The following EPHA7 variants were observed in gnomAD, a reference collection of about 807,000 sequenced individuals.
EPHA7 encodes the protein EPH receptor A7, also known as ephrin type-A receptor 7.
In EPHA7, 25 loss-of-function variants were observed where a neutral mutation model predicts 112.6. That is an observed-to-expected ratio of 0.22 (90% confidence interval 0.16 to 0.31). The LOEUF is 0.31. Ranked by LOEUF, EPHA7 falls within the 10% of genes least tolerant of loss-of-function variation. The pLI, the probability that EPHA7 is intolerant of heterozygous loss-of-function variation, is 1.00. For synonymous variants in EPHA7, 437 were observed against 406.5 expected, an observed-to-expected ratio of 1.07 and a Z score of -0.90; for missense variants, 962 against 1,212.6, an observed-to-expected ratio of 0.79 and a Z score of 3.07.
intron 5 of EPHA7, among the ~76,000 whole-genome samples, chr6:93,286,612 A>C (rs2127830792): frequency 6.6e-6 from 1 of 152,356 alleles, no homozygotes; most frequent in East Asian, 1.9e-4. Flanking sequence ...ATAGAACAGA[A>C]GAAACCAAAG....
intron 5 of EPHA7, among the ~76,000 whole-genome samples, chr6:93,294,631 A>C (rs1772558542): frequency 6.6e-6 from 1 of 152,104 alleles, no homozygotes. Context: ...TTTTATTTCA[A>C]AGAATATATA....
At chr6:93,419,169 C>A (rs1192025132) in intron 1 of EPHA7, 76 bp downstream of exon 1, 1 of 1,245,580 alleles carries the variant, frequency 8.0e-7, no homozygotes, top group Non-Finnish European at 1.1e-6. Flanking sequence ...CCGGCAGCGC[C>A]GCGGACGAGC....
chr6:93,359,928 CAGAT>C (rs1776176232), intron 3 of EPHA7, among the ~76,000 whole-genome samples: 1 of 139,078 alleles, frequency 7.2e-6, no homozygotes. Context: ...TAGAGATAGA[CAGAT>C]AGATTTATAC....
intron 3 of EPHA7, among the ~76,000 whole-genome samples, chr6:93,372,563 T>C (rs1480086085): frequency 6.6e-6 from 1 of 152,192 alleles, no homozygotes; most frequent in Non-Finnish European, 1.5e-5. Context: ...TGTTGAATGC[T>C]ATAAAATATT....
At chr6:93,351,401 A>G (rs893266424) in intron 5 of EPHA7, among the ~76,000 whole-genome samples, 6 of 152,004 alleles carry the variant, frequency 3.9e-5, no homozygotes, top group African/African-American at 7.2e-5. Flanking sequence ...TAATCTCCAT[A>G]TAAGTATTTG....
chr6:93,405,395 G>A (rs1254755229), intron 3 of EPHA7, among the ~76,000 whole-genome samples: 1 of 151,748 alleles, frequency 6.6e-6, no homozygotes, highest in Non-Finnish European at 1.5e-5. Flanking sequence ...TAATTGAAAT[G>A]CCTTCTTAGA....
chr6:93,363,715 A>G (rs577880042), intron 3 of EPHA7, among the ~76,000 whole-genome samples: 1 of 152,320 alleles, frequency 6.6e-6, no homozygotes, highest in South Asian at 2.1e-4. Flanking sequence ...ACTCCTAGGT[A>G]TATACTCAAG....
intron 5 of EPHA7, among the ~76,000 whole-genome samples, chr6:93,277,315 G>A (rs1261031710): frequency 6.6e-6 from 1 of 151,844 alleles, no homozygotes; most frequent in Non-Finnish European, 1.5e-5. Context: ...TGAAATACTT[G>A]GCCATAATTA....
At chr6:93,330,692 C>T (rs888383390) in intron 5 of EPHA7, among the ~76,000 whole-genome samples, 1 of 151,242 alleles carries the variant, frequency 6.6e-6, no homozygotes, top group Admixed American at 6.6e-5. Flanking sequence ...ACCTGTTGAT[C>T]GATACTTAGG....
chr6:93,356,746 G>A lies in EPHA7; in HGVS notation c.1295C>T (p.Ala432Val). 2 of 1,613,242 alleles carry A rather than the reference G, an allele frequency of 1.2e-6. No individual in the cohort carries two copies. The highest frequency in any genetic ancestry group is 1.1e-5 in the South Asian group (1 of 90,960). The change falls in exon 5 of 17, where the codon GCT (alanine) becomes GTT (valine). Residue 432 changes from alanine (A) to valine (V), a missense_variant. Ala to Val is a moderately conservative substitution (Grantham distance 64). Coordinates refer to ENST00000369303, the MANE Select transcript of EPHA7 (RefSeq NM_004440.4). ...TTGACCAGTGGTGATACTGACAGCA[G>A]CAAAGAGCCTCTGGGATCGGCTTAA... ...SDLSRSQRLF[A>V]AVSITTGQAA...
At chr6:93,368,425 C>T (rs1050005755) in intron 3 of EPHA7, among the ~76,000 whole-genome samples, 26 of 152,000 alleles carry the variant, frequency 1.7e-4, no homozygotes, top group African/African-American at 6.0e-4. Context: ...AACTGGAGAG[C>T]TATCTGTGGC....
chr6:93,247,568 C>G (rs976010978), intron 14 of EPHA7, among the ~76,000 whole-genome samples: 5 of 152,120 alleles, frequency 3.3e-5, no homozygotes, highest in African/African-American at 1.2e-4. Flanking sequence ...GCATCCCTTC[C>G]CTACTCCAAG....
intron 3 of EPHA7, among the ~76,000 whole-genome samples, chr6:93,389,873 A>C (rs546669719): frequency 6.6e-6 from 1 of 152,164 alleles, no homozygotes; most frequent in South Asian, 2.1e-4. Flanking sequence ...ATACAGAAGG[A>C]ATAAGATACA....
intron 1 of EPHA7, among the ~76,000 whole-genome samples, chr6:93,415,218 G>C (rs1779167111): frequency 6.6e-6 from 1 of 151,866 alleles, no homozygotes; most frequent in Non-Finnish European, 1.5e-5. Context: ...TGTCTTTTGA[G>C]AATTGGAGTT....
chr6:93,346,254 C>CAT (rs1010741193), intron 5 of EPHA7, among the ~76,000 whole-genome samples: 2 of 151,702 alleles, frequency 1.3e-5, no homozygotes, highest in Non-Finnish European at 2.9e-5. Flanking sequence ...AATTACTATC[C>CAT]ATTGGCTTTT....
At chr6:93,324,668 C>G (rs576965608) in intron 5 of EPHA7, among the ~76,000 whole-genome samples, 18 of 151,496 alleles carry the variant, frequency 1.2e-4, no homozygotes, top group African/African-American at 4.3e-4. Context: ...TAGGGGAATT[C>G]CATTCTTTGA....
intron 6 of EPHA7, among the ~76,000 whole-genome samples, chr6:93,271,296 GTATC>G (rs2127880455): frequency 6.6e-6 from 1 of 151,500 alleles, no homozygotes; most frequent in South Asian, 2.1e-4. Flanking sequence ...AAAAACAAAG[GTATC>G]TATTGCCAAT....
At chr6:93,397,709 C>G (rs1297033623) in intron 3 of EPHA7, among the ~76,000 whole-genome samples, 1 of 151,796 alleles carries the variant, frequency 6.6e-6, no homozygotes. Context: ...GAATAATAAC[C>G]GTGCCCTTTA....
chr6:93,404,548 T>A (rs1778595682), intron 3 of EPHA7, among the ~76,000 whole-genome samples: 1 of 151,156 alleles, frequency 6.6e-6, no homozygotes, highest in African/African-American at 2.4e-5. Context: ...TTGTTTTTAT[T>A]CATGAATTTA....
Sources: gnomAD v4.1 joint callset for allele counts (sites outside exome capture counted in the v4.1 genomes callset) on GRCh38, gnomAD v4.1.1 for gene constraint, MANE v1.5 for transcripts, NCBI Gene and HGNC (gene_info 2026-07-23, HGNC 2026-07-21) for gene names.